KAZN: variants seen among roughly 807,000 people sequenced by gnomAD.
KAZN encodes the protein kazrin.
Under a neutral mutation model 87.4 loss-of-function variants are expected in KAZN, and 40 were observed. The observed-to-expected ratio is 0.46, with a 90% CI of 0.36 to 0.60. The LOEUF (loss-of-function observed/expected upper bound fraction) is 0.60. KAZN is among the 20% of genes least tolerant of loss of function. KAZN has a pLI of 0.00. For missense variants in KAZN, 898 were observed against 1,073.9 expected (o/e 0.84, Z 2.29); for synonymous variants, 466 against 458.3 (o/e 1.02, Z -0.22).
chr1:15,089,977 G>A (rs1640458359), intron 8 of KAZN, among the ~76,000 whole-genome samples: 2 of 152,156 alleles, frequency 1.3e-5, no homozygotes, highest in African/African-American at 4.8e-5. Context: ...GCAAGCATGA[G>A]TTCCCCTCCT....
At chr1:14,527,367 G>T (rs940337560) in intron 2 of KAZN, among the ~76,000 whole-genome samples, 1 of 152,034 alleles carries the variant, frequency 6.6e-6, no homozygotes, top group Non-Finnish European at 1.5e-5. Flanking sequence ...TGGCCAACAT[G>T]GTGAAACCCC....
At chr1:15,024,508 T>C (rs1354317568) in intron 2 of KAZN, among the ~76,000 whole-genome samples, 1 of 152,216 alleles carries the variant, frequency 6.6e-6, no homozygotes, top group Non-Finnish European at 1.5e-5. Context: ...GAGAATTGCA[T>C]GTTCCAATGA....
At chr1:14,941,437 A>G (rs1385365467) in intron 1 of KAZN, among the ~76,000 whole-genome samples, 4 of 152,122 alleles carry the variant, frequency 2.6e-5, no homozygotes, top group Non-Finnish European at 5.9e-5. Context: ...CAAAGATGGA[A>G]CAATACATTA....
At chr1:14,275,956 G>A (rs1008574171) in intron 2 of KAZN, among the ~76,000 whole-genome samples, 1 of 152,096 alleles carries the variant, frequency 6.6e-6, no homozygotes, top group Admixed American at 6.6e-5. Context: ...TAAAAATGTT[G>A]GGAATCTTTT....
intron 1 of KAZN, among the ~76,000 whole-genome samples, chr1:13,913,674 C>G (rs1398100251): frequency 1.3e-5 from 2 of 152,210 alleles, no homozygotes; most frequent in Non-Finnish European, 2.9e-5. Context: ...ATTTCTTAAA[C>G]TTTTCCAATT....
At chr1:14,612,026 A>G (rs150838850) in intron 1 of KAZN, among the ~76,000 whole-genome samples, 38 of 152,338 alleles carry the variant, frequency 2.5e-4, no homozygotes, top group African/African-American at 9.1e-4. Flanking sequence ...TGAGGTGATC[A>G]TTTGCCAACC....
chr1:14,510,943 A>G (rs1356370264), intron 2 of KAZN, among the ~76,000 whole-genome samples: 1 of 152,122 alleles, frequency 6.6e-6, no homozygotes, highest in Non-Finnish European at 1.5e-5. Flanking sequence ...AGCTTCTTAG[A>G]TGTCAAAGTT....
chr1:14,517,738 A>C (rs1342110622), intron 2 of KAZN, among the ~76,000 whole-genome samples: 1 of 152,240 alleles, frequency 6.6e-6, no homozygotes, highest in Non-Finnish European at 1.5e-5. Context: ...TTTAAAGGGC[A>C]GTTCTTTGGA....
chr1:14,192,293 A>G (rs990820000), intron 2 of KAZN, among the ~76,000 whole-genome samples: 2 of 152,170 alleles, frequency 1.3e-5, no homozygotes, highest in Non-Finnish European at 2.9e-5. Flanking sequence ...CAAACCTTAT[A>G]GGAAATGTCA....
chr1:14,198,126 A>G (rs1646566277), intron 2 of KAZN, among the ~76,000 whole-genome samples: 1 of 152,180 alleles, frequency 6.6e-6, no homozygotes, highest in Non-Finnish European at 1.5e-5. Flanking sequence ...AAAATTGAAA[A>G]GCTGCCAGAG....
intron 1 of KAZN, among the ~76,000 whole-genome samples, chr1:14,021,278 C>A (rs1476521923): frequency 6.6e-6 from 1 of 152,168 alleles, no homozygotes; most frequent in Non-Finnish European, 1.5e-5. Flanking sequence ...CAGTTGAGAA[C>A]CATTGTCCAA....
At chr1:14,436,173 G>A (rs1666372674) in intron 2 of KAZN, among the ~76,000 whole-genome samples, 1 of 152,040 alleles carries the variant, frequency 6.6e-6, no homozygotes, top group Admixed American at 6.5e-5. Flanking sequence ...AGGTTGCAGT[G>A]AGCCGAGATC....
intron 1 of KAZN, among the ~76,000 whole-genome samples, chr1:14,092,653 G>C (rs935902452): frequency 6.0e-5 from 9 of 149,290 alleles, no homozygotes; most frequent in African/African-American, 2.0e-4. Flanking sequence ...ACACGCACTG[G>C]TACCCATGTG....
At chr1:14,947,948 T>G (rs1348976319) in intron 1 of KAZN, among the ~76,000 whole-genome samples, 1 of 152,212 alleles carries the variant, frequency 6.6e-6, no homozygotes, top group Non-Finnish European at 1.5e-5. Context: ...GTTTGTGACA[T>G]CCAGTGTTTC....
intron 2 of KAZN, among the ~76,000 whole-genome samples, chr1:15,016,233 G>A (rs1444949163): frequency 6.6e-6 from 1 of 152,186 alleles, no homozygotes; most frequent in Non-Finnish European, 1.5e-5. Flanking sequence ...TGAAGGGGAT[G>A]TGGCTCTGCC....
intron 1 of KAZN, among the ~76,000 whole-genome samples, chr1:13,906,710 A>G (rs1455426417): frequency 6.6e-6 from 1 of 152,190 alleles, no homozygotes; most frequent in Non-Finnish European, 1.5e-5. Flanking sequence ...TGGACAAGAC[A>G]TTCACCTGGG....
chr1:15,044,459 G>A (rs919215170), intron 4 of KAZN, among the ~76,000 whole-genome samples: 3 of 151,990 alleles, frequency 2.0e-5, no homozygotes, highest in African/African-American at 4.8e-5. Context: ...CTACTATTAG[G>A]AAAAAAAGGC....
chr1:14,568,515 G>A (rs1342274259), intron 2 of KAZN, among the ~76,000 whole-genome samples: 1 of 152,192 alleles, frequency 6.6e-6, no homozygotes, highest in Non-Finnish European at 1.5e-5. Context: ...AACATGTGCA[G>A]GGGAACTCCC....
intron 1 of KAZN, among the ~76,000 whole-genome samples, chr1:14,178,334 C>A (rs1428988253): frequency 2.0e-5 from 3 of 152,168 alleles, no homozygotes; most frequent in Non-Finnish European, 4.4e-5. Flanking sequence ...CCTGTCCTCC[C>A]CACCTCTGCC....
Sources: allele counts gnomAD v4.1 joint callset (sites outside exome capture counted in the v4.1 genomes callset), GRCh38; gene constraint gnomAD v4.1.1; transcripts MANE v1.5; gene names NCBI Gene and HGNC (gene_info 2026-07-23, HGNC 2026-07-21).